The following CEP192 variants were observed in gnomAD, a reference collection of about 807,000 sequenced individuals.
CEP192 encodes the protein centrosomal protein 192.
Under a neutral mutation model 271.8 loss-of-function variants are expected in CEP192, and 151 were observed. The observed-to-expected ratio is 0.56, with a 90% CI of 0.49 to 0.64. The LOEUF is 0.64. Among genes scored for constraint, CEP192 ranks in the 30% least tolerant of loss-of-function variants. CEP192 has a pLI of 0.00. For missense variants in CEP192, 2,910 were observed against 3,020.5 expected (o/e 0.96, Z 0.86); for synonymous variants, 995 against 1,076.5 (o/e 0.92, Z 1.48).
Position 13,096,193 on chromosome 18 carries a change from C to A in CEP192, c.6443C>A (p.Ala2148Glu). 1 of 1,613,704 alleles carries A rather than the reference C, an allele frequency of 6.2e-7. No individual in the cohort carries two copies. ...GTATCTGACAAAATAGGTGACATGG[C>A]AAAAACTGGACGTTTCCAGATTGTG... ...ILVAPSPCDM[A>E]KTGRFQIVNN... is the part of the protein sequence containing the mutation. Residue 2148 changes from alanine (A) to glutamate (E), a missense_variant, in exon 36 of 45, where the codon GCA becomes GAA. By Grantham distance (107) the Ala-to-Glu change is moderately radical (BLOSUM62 -1). Coordinates refer to ENST00000506447, the MANE Select transcript of CEP192 (RefSeq NM_032142.4).
chr18:13,019,311 C>T (rs2034848227), intron 9 of CEP192, 105 bp downstream of exon 9: 9 of 943,910 alleles, frequency 9.5e-6, no homozygotes, highest in Non-Finnish European at 1.2e-5. Flanking sequence ...CTGTTGACTT[C>T]TGAAAAATAC....
At chr18:13,094,821 AC>A (rs3837873) in intron 34 of CEP192, among the ~76,000 whole-genome samples, 51,582 of 151,998 alleles carry the variant, frequency 0.34, 9,231 homozygotes, top group African/African-American at 0.45. Flanking sequence ...CTAATCTAAC[AC>A]CACAGTGCCT....
Position 13,087,123 on chromosome 18 carries a change from A to G in CEP192, c.5723A>G (p.Glu1908Gly). 1 of 1,614,140 alleles carries G rather than the reference A, an allele frequency of 6.2e-7. No individual in the cohort carries two copies. Residue 1908 changes from glutamate (E) to glycine (G), a missense_variant, in exon 31 of 45, where the codon GAA becomes GGA. Glu to Gly is a moderately conservative substitution (Grantham distance 98). Coordinates refer to ENST00000506447, the MANE Select transcript of CEP192 (RefSeq NM_032142.4). ...GTGAATGGCTTAGTACCTGGCAAAG[A>G]AAGTAAAATTGTTTTTTCTGTCCGC... ...VTVNGLVPGK[E>G]SKIVFSVRNT...
In CEP192 at chr18:13,045,563, G is replaced by A. The variant is rs78302094; in HGVS notation, c.2067+3229G>A. ...GCTTCACTTAGGTGAGATTTAAATCGGAATGCTCAAGCTGCCTGCATTCTT... is the reference window on the plus strand; with the variant it reads ...GCTTCACTTAGGTGAGATTTAAATCAGAATGCTCAAGCTGCCTGCATTCTT... On this transcript the variant is annotated intron_variant, in intron 15 of 44. Coordinates refer to ENST00000506447, the MANE Select transcript of CEP192 (RefSeq NM_032142.4). Among the ~76,000 whole-genome samples the A allele has an allele frequency of 5.8e-3, 881 of 152,190 alleles. 14 individuals are homozygous for A. Among genetic ancestry groups the A allele is most frequent in the African/African-American group, 0.02 (844 of 41,530 alleles).
At position 13,053,037 on chromosome 18, in the gene CEP192, C is replaced by G; in HGVS notation, c.3136C>G (p.Pro1046Ala). 1 of 1,613,822 alleles carries G rather than the reference C, an allele frequency of 6.2e-7. No individual in the cohort carries two copies. Among genetic ancestry groups the G allele is most frequent in the South Asian group, 1.1e-5 (1 of 91,056 alleles). ...GVSRLTYVSE[P>A]ESSYPTTATD... ...GAGCAGGCTGACGTATGTGTCTGAA[C>G]CAGAGAGCTCCTATCCTACCACAGC... The change falls in exon 18 of 45, where the codon CCA (proline) becomes GCA (alanine). Residue 1046 changes from proline (P) to alanine (A), a missense_variant. Physicochemically the swap from Pro to Ala is conservative, Grantham distance 27. Coordinates refer to ENST00000506447, the MANE Select transcript of CEP192 (RefSeq NM_032142.4).
intron 30 of CEP192, among the ~76,000 whole-genome samples, chr18:13,084,911 T>G (rs2038820563): frequency 6.6e-6 from 1 of 151,742 alleles, no homozygotes; most frequent in African/African-American, 2.4e-5. Context: ...CCTCCCGGGT[T>G]CAAGCGATTC....
intron 32 of CEP192, chr18:13,088,693 C>CTTGA: frequency 4.1e-6 from 1 of 242,392 alleles, no homozygotes; most frequent in South Asian, 4.8e-5. Flanking sequence ...ACCCTTTGTG[C>CTTGA]TTGACTGTTT....
At chr18:13,067,115 T>C (rs1327081830) in intron 21 of CEP192, among the ~76,000 whole-genome samples, 1 of 151,966 alleles carries the variant, frequency 6.6e-6, no homozygotes, top group African/African-American at 2.4e-5. Context: ...GTATTGAACA[T>C]GTACAGACAT....
chr18:13,095,936 A>G (rs1568410385), intron 35 of CEP192, among the ~76,000 whole-genome samples: 1 of 152,170 alleles, frequency 6.6e-6, no homozygotes, highest in South Asian at 2.1e-4. Context: ...GAGATACAGC[A>G]TTGGTTCAGA....
intron 27 of CEP192, among the ~76,000 whole-genome samples, chr18:13,070,175 A>G (rs958415391): frequency 2.6e-5 from 4 of 152,070 alleles, no homozygotes; most frequent in African/African-American, 9.7e-5. Flanking sequence ...AAAAGTTTTA[A>G]TGACAAAGTT....
At position 13,040,827 on chromosome 18, in the gene CEP192, T is replaced by C; in HGVS notation, c.1810-3T>C. ...AAATAATTTACCTTTAATTATTTTGTAGCCATCATTTGGCTATTTTATTAG... is the reference window on the plus strand; with the variant it reads ...AAATAATTTACCTTTAATTATTTTGCAGCCATCATTTGGCTATTTTATTAG... On this transcript the variant is annotated splice_polypyrimidine_tract_variant and splice_region_variant and intron_variant, in intron 13 of 44. Coordinates refer to ENST00000506447, the MANE Select transcript of CEP192 (RefSeq NM_032142.4). 1.3e-6 allele frequency: 2 copies of C among 1,577,694 alleles called. No individual in the cohort carries two copies.
chr18:13,122,297 CTG>C (rs1338822180), intron 44 of CEP192, among the ~76,000 whole-genome samples: 8 of 152,248 alleles, frequency 5.3e-5, no homozygotes, highest in African/African-American at 1.9e-4. Flanking sequence ...TGGCGCATGT[CTG>C]TAATCCTAGC....
chr18:13,118,186 G>T (rs897875312), intron 44 of CEP192, among the ~76,000 whole-genome samples: 6 of 152,182 alleles, frequency 3.9e-5, no homozygotes, highest in East Asian at 3.8e-4. Flanking sequence ...CTCGAACTGG[G>T]TTGTCACTGT....
Position 13,001,507 on chromosome 18 carries a change from C to T in CEP192, c.215C>T (p.Pro72Leu). ...TTAGTAGAAGGGAGATTTTCAGTTC[C>T]ATCCGGGTCATCTCCCGGAAGCCAG... Reference protein sequence around the residue: ...SYLVEGRFSVPSGSSPGSQSD... With the variant: ...SYLVEGRFSVLSGSSPGSQSD... The change falls in exon 3 of 45, where the codon CCA becomes CTA. Residue 72 changes from proline (P) to leucine (L), a missense_variant. Coordinates refer to ENST00000506447, the MANE Select transcript of CEP192 (RefSeq NM_032142.4). 1.3e-6 allele frequency: 2 copies of T among 1,549,974 alleles called. No individual in the cohort carries two copies. The highest frequency in any genetic ancestry group is 1.7e-6 in the Non-Finnish European group (2 of 1,145,760).
At chr18:13,085,220 T>C (rs934927626) in intron 30 of CEP192, among the ~76,000 whole-genome samples, 3 of 152,186 alleles carry the variant, frequency 2.0e-5, no homozygotes, top group Non-Finnish European at 4.4e-5. Context: ...GTTCATATCC[T>C]TTGCCCACTT....
At chr18:13,072,252 GCTA>G (rs2038052561) in intron 28 of CEP192, among the ~76,000 whole-genome samples, 1 of 152,164 alleles carries the variant, frequency 6.6e-6, no homozygotes, top group East Asian at 1.9e-4. Context: ...TCAGTCAGGT[GCTA>G]TTTTATGTCC....
rs1599049047 is a variant in CEP192 at position 13,008,461 on chromosome 18, T to C, written c.296T>C (p.Ile99Thr). 3 of 1,540,884 alleles carry C rather than the reference T, an allele frequency of 1.9e-6. No individual in the cohort carries two copies. In the East Asian group the frequency reaches 7.3e-5, roughly 38 times the overall value. The part of the protein sequence containing the change: ...LQLSFQDDDS[I>T]SRKKSYVESQ... The stretch of plus-strand genomic sequence containing the variant: ...TCTGTTTCCTAATAAAAAAGTTCTA[T>C]CTCTAGGAAAAAGAGCTATGTGGAA... Residue 99 changes from isoleucine to threonine, a missense_variant, in exon 4 of 45, where the codon ATC (isoleucine) becomes ACC (threonine). Physicochemically the swap from Ile to Thr is moderately conservative, Grantham distance 89 (BLOSUM62 -1). Transcript: ENST00000506447.
chr18:13,079,073 T>TGTG (rs2038447620), intron 30 of CEP192, among the ~76,000 whole-genome samples: 1 of 152,248 alleles, frequency 6.6e-6, no homozygotes, highest in South Asian at 2.1e-4. Context: ...TCTTTGCTAT[T>TGTG]GTGAATAGTG....
At chr18:13,024,240 G>A in intron 9 of CEP192, 2 of 449,256 alleles carry the variant, frequency 4.5e-6, no homozygotes, top group East Asian at 7.0e-5. Flanking sequence ...TCATTATGTA[G>A]TACCCTGCCT....
Sources: gnomAD v4.1 joint callset for allele counts (sites outside exome capture counted in the v4.1 genomes callset) on GRCh38, gnomAD v4.1.1 for gene constraint, MANE v1.5 for transcripts, NCBI Gene and HGNC (gene_info 2026-07-23, HGNC 2026-07-21) for gene names.